ADAM10: variants seen among roughly 807,000 people sequenced by gnomAD.
ADAM10 encodes disintegrin and metalloproteinase domain-containing protein 10.
Under a neutral mutation model 90.1 loss-of-function variants are expected in ADAM10, and 17 were observed. The ratio of observed to expected loss-of-function variants is 0.19; its 90% CI spans 0.13 to 0.28. The LOEUF is 0.28. Among genes scored for constraint, ADAM10 ranks in the 10% least tolerant of loss-of-function variants. The pLI is 1.00. For synonymous variants in ADAM10, 310 were observed against 298.6 expected (o/e 1.04, Z -0.40); for missense variants, 610 against 914.3 (o/e 0.67, Z 4.29).
rs1231029409 is a variant in ADAM10, at chr15:58,592,375, CAG to C, written c.*5170_*5171del. 1 of 152,208 alleles carries C rather than the reference CAG, an allele frequency of 6.6e-6. No homozygotes were observed. Among genetic ancestry groups the C allele is most frequent in the African/African-American group, 2.4e-5 (1 of 41,442 alleles). The allele number at this position is 152,208 out of a possible 1,614,324, so 9.4% of individuals were successfully genotyped here. A position where few individuals can be genotyped will look rare whatever the true frequency, so the allele number is the denominator to read the frequency against. On this transcript the variant is annotated 3_prime_UTR_variant, in exon 16 of 16. Coordinates refer to ENST00000260408, the MANE Select transcript of ADAM10 (RefSeq NM_001110.4). ...TCTGTCCACTACCATCATTAACTCACAGAGTTAAATACAATACTATGAGTTTC... is the reference window on the plus strand; with the variant it reads ...TCTGTCCACTACCATCATTAACTCACAGTTAAATACAATACTATGAGTTTC...
chr15:58,664,540 T>C, intron 5 of ADAM10, among the ~76,000 whole-genome samples: 1 of 152,160 alleles, frequency 6.6e-6, no homozygotes, highest in African/African-American at 2.4e-5. Context: ...CCATACTACT[T>C]TTAGAAAGGA....
chr15:58,707,803 G>A (rs566360831), intron 2 of ADAM10, among the ~76,000 whole-genome samples: 32 of 152,304 alleles, frequency 2.1e-4, no homozygotes, highest in African/African-American at 6.7e-4. Context: ...AGGGCCTGGT[G>A]CAGTGGCTCA....
intron 2 of ADAM10, among the ~76,000 whole-genome samples, chr15:58,697,384 T>A (rs1898009585): frequency 6.6e-6 from 1 of 151,926 alleles, no homozygotes; most frequent in Admixed American, 6.6e-5. Flanking sequence ...GCCATGGGGA[T>A]CACCCCACCC....
At chr15:58,679,402 A>C in intron 3 of ADAM10, 120 bp from the exon 4 acceptor site, 1 of 829,932 alleles carries the variant, frequency 1.2e-6, no homozygotes, top group Non-Finnish European at 1.9e-6. Flanking sequence ...ATACACATAT[A>C]TATGGTTAAA....
At chr15:58,683,630 G>C (rs1294661298) in intron 2 of ADAM10, among the ~76,000 whole-genome samples, 1 of 152,076 alleles carries the variant, frequency 6.6e-6, no homozygotes, top group African/African-American at 2.4e-5. Context: ...GGGAGGCTGA[G>C]GCAGGTGGAT....
At chr15:58,737,438 A>T (rs1434121635) in intron 1 of ADAM10, among the ~76,000 whole-genome samples, 1 of 152,132 alleles carries the variant, frequency 6.6e-6, no homozygotes, top group African/African-American at 2.4e-5. Flanking sequence ...AACCTAAATT[A>T]CGCTTTAAGG....
At chr15:58,703,692 G>C (rs796757472) in intron 2 of ADAM10, among the ~76,000 whole-genome samples, 3 of 152,254 alleles carry the variant, frequency 2.0e-5, no homozygotes, top group African/African-American at 7.2e-5. Context: ...CCAGTATTGG[G>C]GGAAGAGTTG....
At chr15:58,682,408 G>A in intron 2 of ADAM10, 94 bp from the exon 3 acceptor site, 1 of 1,502,440 alleles carries the variant, frequency 6.7e-7, no homozygotes, top group Non-Finnish European at 8.9e-7. Flanking sequence ...ACAAAATGTG[G>A]ACTGTTATGA....
At position 58,633,354 on chromosome 15, in the gene ADAM10, A is replaced by C. The variant is rs777503819; in HGVS notation, c.1018T>G (p.Ser340Ala). The change falls in exon 9 of 16, where the codon TCT (serine) becomes GCT (alanine). Residue 340 changes from serine (S) to alanine (A), a missense_variant. Ser to Ala is a moderately conservative substitution (Grantham distance 99). This residue lies in a region of ADAM10 where 97 missense variants were observed against 221.4 expected (regional missense o/e 0.44). Transcript: ENST00000260408. ...LAWVGAPSGSSGGICEKSKLY... is the reference protein window; with the variant it reads ...LAWVGAPSGSAGGICEKSKLY... ...TTACTTTTTTCACATATTCCTCCAG[A>C]GCTTCCTAATCCAGAACAAAAAAAT... 6.2e-7 allele frequency: 1 copy of C among 1,613,512 alleles called. No individual in the cohort carries two copies.
intron 4 of ADAM10, among the ~76,000 whole-genome samples, chr15:58,677,447 T>G (rs1265564259): frequency 6.6e-6 from 1 of 152,120 alleles, no homozygotes; most frequent in Non-Finnish European, 1.5e-5. Context: ...AAAAAAAGAT[T>G]GACACCTATT....
In ADAM10 at chr15:58,694,407, C is replaced by G. The variant is rs564352067; in HGVS notation, c.207-12093G>C. Among the ~76,000 whole-genome samples, 40 of 152,006 alleles carry G rather than the reference C, an allele frequency of 2.6e-4. 1 individual carries two copies. The highest frequency in any genetic ancestry group is 5.2e-4 in the Admixed American group (8 of 15,262). Reference sequence around the variant, plus strand: ...AGGAGGTTGCAGTGAGCCGAGATCACGACACTGCACTCCAGCCTGGGAAAC... The same window carrying G: ...AGGAGGTTGCAGTGAGCCGAGATCAGGACACTGCACTCCAGCCTGGGAAAC... On this transcript the variant is annotated intron_variant, in intron 2 of 15. Transcript: ENST00000260408.
intron 1 of ADAM10, among the ~76,000 whole-genome samples, chr15:58,723,610 C>T (rs1256966374): frequency 6.6e-6 from 1 of 152,120 alleles, no homozygotes; most frequent in Non-Finnish European, 1.5e-5. Flanking sequence ...GAGACTAAGG[C>T]AGGAGAATCT....
At chr15:58,728,641 T>G (rs1899121476) in intron 1 of ADAM10, among the ~76,000 whole-genome samples, 1 of 152,130 alleles carries the variant, frequency 6.6e-6, no homozygotes, top group South Asian at 2.1e-4. Context: ...TATGGGTTTC[T>G]GGCCTTCCTA....
intron 1 of ADAM10, among the ~76,000 whole-genome samples, chr15:58,737,059 T>C (rs574887752): frequency 8.9e-4 from 136 of 152,264 alleles, no homozygotes; most frequent in Non-Finnish European, 1.7e-3. Flanking sequence ...CTTGGCCTCC[T>C]TGTCACAGGA....
chr15:58,651,621 T>C lies in ADAM10; in HGVS notation c.586-5417A>G, dbSNP rs527306755. On this transcript the variant is annotated intron_variant, in intron 5 of 15. Coordinates refer to ENST00000260408, the MANE Select transcript of ADAM10 (RefSeq NM_001110.4). ...TGTTTTATGGCTAAATAGTATTCCATTGTGAATATGTACCACATTTTCTTT... is the reference window on the plus strand; with the variant it reads ...TGTTTTATGGCTAAATAGTATTCCACTGTGAATATGTACCACATTTTCTTT... Among the ~76,000 whole-genome samples, 8 of 152,338 alleles carry C rather than the reference T, an allele frequency of 5.3e-5. No homozygotes were observed. In the East Asian group the frequency reaches 1.5e-3, roughly 29 times the overall value.
At chr15:58,648,017 T>C (rs1300198935) in intron 5 of ADAM10, among the ~76,000 whole-genome samples, 1 of 152,182 alleles carries the variant, frequency 6.6e-6, no homozygotes, top group Non-Finnish European at 1.5e-5. Flanking sequence ...CCTTCTCCCT[T>C]AATAATTCCA....
At chr15:58,708,681 G>A (rs1306843065) in intron 2 of ADAM10, among the ~76,000 whole-genome samples, 2 of 152,060 alleles carry the variant, frequency 1.3e-5, no homozygotes, top group Admixed American at 6.6e-5. Flanking sequence ...AATTGATACT[G>A]GCATATAACA....
chr15:58,715,434 C>A (rs1481186631), intron 2 of ADAM10, among the ~76,000 whole-genome samples: 1 of 151,622 alleles, frequency 6.6e-6, no homozygotes, highest in African/African-American at 2.4e-5. Context: ...AAAAAAGTAC[C>A]CTAAAATGAC....
At chr15:58,721,241 G>C (rs1479863988) in intron 1 of ADAM10, among the ~76,000 whole-genome samples, 2 of 152,136 alleles carry the variant, frequency 1.3e-5, no homozygotes, top group East Asian at 1.9e-4. Context: ...CAAAAGACCT[G>C]AGTAATGATT....
Sources: gnomAD v4.1 joint callset for allele counts (sites outside exome capture counted in the v4.1 genomes callset) on GRCh38, gnomAD v4.1.1 for gene constraint, gnomAD v4.1.1 regional missense constraint, MANE v1.5 for transcripts, NCBI Gene and HGNC (gene_info 2026-07-23, HGNC 2026-07-21) for gene names.